The following FILIP1 variants were observed in gnomAD, a reference collection of about 807,000 sequenced individuals.
FILIP1 encodes the protein filamin A interacting protein 1.
FILIP1 carries 61 observed loss-of-function variants against 102.1 expected under a neutral mutation model. The observed-to-expected ratio is 0.60, with a 90% CI of 0.49 to 0.74. The LOEUF (loss-of-function observed/expected upper bound fraction) is 0.74, where lower values mean the gene tolerates loss of function less well. FILIP1 is among the 30% of genes least tolerant of loss of function. The pLI, the probability that FILIP1 is intolerant of heterozygous loss-of-function variation, is 0.00. For synonymous variants in FILIP1, 491 were observed against 526.9 expected (o/e 0.93, Z 0.93); for missense variants, 1,314 against 1,441.2 (o/e 0.91, Z 1.43).
chr6:75,307,191 CT>C (rs61528835), downstream of FILIP1, among the ~76,000 whole-genome samples: 977 of 152,274 alleles, frequency 6.4e-3, 10 homozygotes, highest in African/African-American at 0.023. Context: ...TATGAGGCAT[CT>C]ACATCTACCA....
At chr6:75,378,026 AAC>A (rs1362094769) in intron 2 of FILIP1, among the ~76,000 whole-genome samples, 5 of 152,238 alleles carry the variant, frequency 3.3e-5, no homozygotes, top group African/African-American at 9.6e-5. Flanking sequence ...TCCCCAGGGA[AAC>A]ACAGAGTTGG....
chr6:75,347,995 A>C (rs2149595510), intron 4 of FILIP1, among the ~76,000 whole-genome samples: 1 of 152,020 alleles, frequency 6.6e-6, no homozygotes, highest in African/African-American at 2.4e-5. Flanking sequence ...TGAGCCTATA[A>C]AATCCAAAAG....
chr6:75,464,743 A>G (rs993004021), intron 1 of FILIP1, among the ~76,000 whole-genome samples: 1 of 152,162 alleles, frequency 6.6e-6, no homozygotes, highest in Non-Finnish European at 1.5e-5. Flanking sequence ...TTTAATAAAC[A>G]TCTCAAACTT....
At chr6:75,297,958 T>C (rs919332345) in intron 6 of FILIP1, among the ~76,000 whole-genome samples, 7 of 152,246 alleles carry the variant, frequency 4.6e-5, no homozygotes, top group Non-Finnish European at 1.0e-4. Context: ...TTTGTATTAC[T>C]ACAATACCTT....
At chr6:75,338,764 C>G (rs774711040) in intron 4 of FILIP1, among the ~76,000 whole-genome samples, 3 of 152,180 alleles carry the variant, frequency 2.0e-5, no homozygotes, top group Non-Finnish European at 4.4e-5. Flanking sequence ...TCACTTATCA[C>G]TTTTTCCATA....
chr6:75,451,842 T>A (rs1259963313), intron 1 of FILIP1, among the ~76,000 whole-genome samples: 1 of 151,862 alleles, frequency 6.6e-6, no homozygotes, highest in Non-Finnish European at 1.5e-5. Context: ...TCAAAAAAAA[T>A]TTAAAAAAAA....
chr6:75,465,571 T>TA (rs36072505), intron 1 of FILIP1: 2,584 of 411,452 alleles, frequency 6.3e-3, no homozygotes, highest in East Asian at 0.017. Context: ...TCACAGCAAT[T>TA]AAAAAAAAAA....
At chr6:75,389,326 A>T (rs1776206555) in intron 2 of FILIP1, among the ~76,000 whole-genome samples, 1 of 152,160 alleles carries the variant, frequency 6.6e-6, no homozygotes, top group African/African-American at 2.4e-5. Flanking sequence ...TATTGGCCTG[A>T]AATGTTCTTT....
chr6:75,372,779 AAAGAAAGAAAGAAAG>A (rs1775616196), intron 2 of FILIP1, among the ~76,000 whole-genome samples: 1 of 79,440 alleles, frequency 1.3e-5, no homozygotes, highest in African/African-American at 5.2e-5. Flanking sequence ...AGAAAGAAAG[AAAGAAAGAAAGAAAG>A]AAGGAAAGAA....
downstream of FILIP1, among the ~76,000 whole-genome samples, chr6:75,306,168 T>C (rs1772979050): frequency 6.6e-6 from 1 of 152,230 alleles, no homozygotes; most frequent in Non-Finnish European, 1.5e-5. Context: ...TAGTTGTTCT[T>C]TATCATTTCT....
At chr6:75,461,847 TAGG>T (rs1311268529) in intron 1 of FILIP1, among the ~76,000 whole-genome samples, 1 of 152,166 alleles carries the variant, frequency 6.6e-6, no homozygotes, top group East Asian at 1.9e-4. Context: ...CACAGGCGCT[TAGG>T]AGAAGAGAGG....
chr6:75,336,790 T>A (rs931647387), intron 4 of FILIP1, among the ~76,000 whole-genome samples: 8 of 152,226 alleles, frequency 5.3e-5, no homozygotes, highest in Non-Finnish European at 1.5e-5. Context: ...CATTCAAAGT[T>A]AATTTAAAAC....
intron 1 of FILIP1, among the ~76,000 whole-genome samples, chr6:75,473,478 A>T (rs2149767365): frequency 6.6e-6 from 1 of 152,274 alleles, no homozygotes; most frequent in East Asian, 1.9e-4. Context: ...GATCCAACTA[A>T]AGAAACACGA....
At chr6:75,446,448 G>T (rs1468600765) in intron 1 of FILIP1, among the ~76,000 whole-genome samples, 1 of 152,116 alleles carries the variant, frequency 6.6e-6, no homozygotes, top group East Asian at 1.9e-4. Context: ...AAATTTAAAT[G>T]AGCTAATCTA....
chr6:75,404,833 T>C lies in FILIP1; in HGVS notation c.276+9864A>G, dbSNP rs149490857. 2.6e-5 allele frequency among the ~76,000 whole-genome samples: 4 copies of C among 152,302 alleles called. No individual in the cohort carries two copies. The East Asian group carries it at 7.7e-4, about 29-fold the overall frequency. The stretch of plus-strand genomic sequence containing the variant: ...CAAGTTCAACCCAAAATCATACTTT[T>C]GATTCACCACTTCCTATATCCTCCA... On this transcript the variant is annotated intron_variant, in intron 2 of 5. Coordinates refer to ENST00000237172, the MANE Select transcript of FILIP1 (RefSeq NM_015687.5).
Position 75,315,013 on chromosome 6 carries a change from C to G in FILIP1, c.819G>C (p.Gln273His), listed in dbSNP as rs1314895471. 1 of 1,613,944 alleles carries G rather than the reference C, an allele frequency of 6.2e-7. No individual in the cohort carries two copies. The change falls in exon 5 of 6, where the codon CAG becomes CAC. Residue 273 changes from glutamine to histidine, a missense_variant. Around this residue, in one of 3 missense-constraint regions of FILIP1, gnomAD observed 494 missense variants for 511.2 expected, o/e 0.97. Transcript: ENST00000237172. The stretch of plus-strand genomic sequence containing the variant: ...GCTTCTCTTCTTCTTCCCTCAGCTT[C>G]TGAGTAAGATCCTGTACTTTCTGGC... ...LQSQKVQDLT[Q>H]KLREEEEKLK...
In FILIP1 at chr6:75,404,819, C is replaced by G. The variant is rs542944816; in HGVS notation, c.276+9878G>C. 2.6e-5 allele frequency among the ~76,000 whole-genome samples: 4 copies of G among 152,264 alleles called. No individual in the cohort carries two copies. The East Asian group carries it at 7.7e-4, about 29-fold the overall frequency. On this transcript the variant is annotated intron_variant, in intron 2 of 5. Transcript: ENST00000237172. ...TTCAAGACCAAAACCAAGTTCAACC[C>G]AAAATCATACTTTTGATTCACCACT...
chr6:75,458,214 T>C (rs1778907986), intron 1 of FILIP1: 1 of 152,142 alleles, frequency 6.6e-6, no homozygotes, highest in Non-Finnish European at 1.5e-5. Context: ...ATGTCAAAAC[T>C]AGGAAGGACG....
At chr6:75,400,696 G>A (rs1377313116) in intron 2 of FILIP1, among the ~76,000 whole-genome samples, 1 of 152,078 alleles carries the variant, frequency 6.6e-6, no homozygotes, top group Non-Finnish European at 1.5e-5. Context: ...CAACAGTCTG[G>A]TGCTAAAGGC....
Sources: gnomAD v4.1 joint callset for allele counts (sites outside exome capture counted in the v4.1 genomes callset) on GRCh38, gnomAD v4.1.1 for gene constraint, gnomAD v4.1.1 regional missense constraint, MANE v1.5 for transcripts, NCBI Gene and HGNC (gene_info 2026-07-23, HGNC 2026-07-21) for gene names.